Variants in ADGRG1 observed in about 807,000 individuals in gnomAD.
ADGRG1 encodes the protein adhesion G protein-coupled receptor G1, also known as 7-transmembrane protein with no EGF-like N-terminal domains-1.
A neutral mutation model predicts 73.5 loss-of-function variants in ADGRG1; 53 were observed. The observed-to-expected ratio is 0.72, with a 90% CI of 0.58 to 0.91. The LOEUF (loss-of-function observed/expected upper bound fraction) is 0.91. Ranked by LOEUF, ADGRG1 falls within the 40% of genes least tolerant of loss-of-function variation. ADGRG1 has a pLI of 0.00. For missense variants in ADGRG1, 795 were observed against 871.8 expected, an observed-to-expected ratio of 0.91 and a Z score of 1.11; for synonymous variants, 394 against 374.4, an observed-to-expected ratio of 1.05 and a Z score of -0.60.
upstream of ADGRG1, chr16:57,623,729 C>T (rs563032391): frequency 2.1e-5 from 19 of 920,016 alleles, no homozygotes; most frequent in East Asian, 1.2e-4. Flanking sequence ...ACATGTGCAA[C>T]GCAATCCCTG....
chr16:57,631,910 T>A, intron 1 of ADGRG1: 6 of 960,288 alleles, frequency 6.2e-6, no homozygotes, highest in Non-Finnish European at 7.4e-6. Flanking sequence ...GGCCAAGGGT[T>A]GGGGAGTAGG....
chr16:57,653,835 C>A (rs746271539), intron 4 of ADGRG1, 151 bp from the exon 5 acceptor site: 1 of 1,562,846 alleles, frequency 6.4e-7, no homozygotes, highest in Non-Finnish European at 8.6e-7. Flanking sequence ...GCTCTCCACT[C>A]TCTCTTGCCC....
Position 57,655,466 on chromosome 16 carries a change from G to A in ADGRG1, c.836G>A (p.Gly279Asp), listed in dbSNP as rs1282180886. The A allele has an allele frequency of 7.4e-6, 12 of 1,613,686 alleles. No homozygotes were observed. The highest frequency in any genetic ancestry group is 1.0e-5 in the Non-Finnish European group (12 of 1,179,998). ...CGAACACTCTTCCAGAGGACGAAAGGCCGGAGCGGGGAGGCTGAGAAGAGA... is the reference window on the plus strand; with the variant it reads ...CGAACACTCTTCCAGAGGACGAAAGACCGGAGCGGGGAGGCTGAGAAGAGA... ...LPRTLFQRTK[G>D]RSGEAEKRLL... is the part of the protein sequence containing the mutation. Residue 279 changes from glycine to aspartate, a missense_variant, in exon 6 of 14, where the codon GGC becomes GAC. Physicochemically the swap from Gly to Asp is moderately conservative, Grantham distance 94 (BLOSUM62 -1). Coordinates refer to ENST00000562631, the MANE Select transcript of ADGRG1 (RefSeq NM_201525.4).
intron 1 of ADGRG1, chr16:57,633,591 C>T (rs2038571459): frequency 2.4e-6 from 2 of 817,484 alleles, no homozygotes; most frequent in Admixed American, 6.2e-5. Context: ...GCTCTACTGG[C>T]TGTGTGGCCT....
intron 1 of ADGRG1, chr16:57,642,996 G>A (rs1182939367): frequency 6.6e-6 from 1 of 152,212 alleles, no homozygotes; most frequent in East Asian, 1.9e-4. Context: ...GATGCCAGCG[G>A]CTAATTGAGC....
At chr16:57,633,513 C>T (rs529210527) in intron 1 of ADGRG1, 1 of 985,372 alleles carries the variant, frequency 1.0e-6, no homozygotes, top group South Asian at 4.7e-5. Context: ...CCAGGCTGCC[C>T]CCTAGGAGAG....
intron 1 of ADGRG1, chr16:57,644,985 TGC>T: frequency 1.3e-6 from 1 of 784,016 alleles, no homozygotes; most frequent in Middle Eastern, 6.6e-4. Flanking sequence ...CACACCCCCA[TGC>T]ACACACACAT....
chr16:57,620,492 C>G (rs2034572093), upstream of ADGRG1, among the ~76,000 whole-genome samples: 1 of 152,202 alleles, frequency 6.6e-6, no homozygotes, highest in African/African-American at 2.4e-5. Flanking sequence ...GGCGGCAGGA[C>G]CTGAAGTCTC....
chr16:57,638,070 T>C (rs1385633219), intron 1 of ADGRG1, among the ~76,000 whole-genome samples: 1 of 152,154 alleles, frequency 6.6e-6, no homozygotes, highest in Non-Finnish European at 1.5e-5. Context: ...TTTGACTCAG[T>C]GGGTATGAAA....
At chr16:57,645,016 G>T (rs1197286251) in intron 1 of ADGRG1, 2 of 934,698 alleles carry the variant, frequency 2.1e-6, no homozygotes, top group African/African-American at 3.7e-5. Flanking sequence ...ATGCATGGGC[G>T]CACACACTCA....
In ADGRG1 at chr16:57,650,238, C is replaced by T. The variant is rs778080775; in HGVS notation, c.-35-15C>T. On this transcript the variant is annotated splice_polypyrimidine_tract_variant and intron_variant, in intron 1 of 13. Transcript: ENST00000562631. ...ACAGTCCACACTCCCAGCTAACACT[C>T]CTGGTCTCTTCCAGGTGGTGACTTC... 3 of 1,593,614 alleles carry T rather than the reference C, an allele frequency of 1.9e-6. No homozygotes were observed. Among genetic ancestry groups the T allele is most frequent in the Non-Finnish European group, 1.7e-6 (2 of 1,161,406 alleles).
At chr16:57,635,857 G>A in intron 1 of ADGRG1, 1 of 985,090 alleles carries the variant, frequency 1.0e-6, no homozygotes, top group Non-Finnish European at 1.2e-6. Context: ...CTGTGTCCCT[G>A]CTATAAAATG....
chr16:57,630,359 A>C, intron 1 of ADGRG1: 1 of 985,390 alleles, frequency 1.0e-6, no homozygotes, highest in Non-Finnish European at 1.2e-6. Context: ...TCTTAGGGCC[A>C]GACCTGACCC....
chr16:57,655,380 C>T lies in ADGRG1; in HGVS notation c.769-19C>T. The T allele has an allele frequency of 6.2e-7, 1 of 1,611,772 alleles. No homozygotes were observed. The highest frequency in any genetic ancestry group is 1.1e-5 in the South Asian group (1 of 91,044). On this transcript the variant is annotated intron_variant, in intron 5 of 13. Transcript: ENST00000562631. ...TCTAGGGGTCCGCATTTGGCTGAGC[C>T]CTAAAGGGACCTCTGCAGGAGGAGC...
At chr16:57,659,279 G>A (rs2148523973) in intron 10 of ADGRG1, 134 bp from the exon 11 acceptor site, 1 of 1,548,754 alleles carries the variant, frequency 6.5e-7, no homozygotes, top group South Asian at 1.2e-5. Flanking sequence ...CACAGGAATA[G>A]GATAGGGGCC....
intron 1 of ADGRG1, chr16:57,643,794 A>G: frequency 1.0e-6 from 1 of 983,052 alleles, no homozygotes; most frequent in Non-Finnish European, 1.2e-6. Context: ...TCCGTCACTC[A>G]CTTGGGGAGT....
intron 9 of ADGRG1, among the ~76,000 whole-genome samples, chr16:57,657,084 A>G (rs1347822605): frequency 6.6e-6 from 1 of 152,194 alleles, no homozygotes; most frequent in African/African-American, 2.4e-5. Context: ...ACCTATTCCC[A>G]TGTTAAATGT....
rs1334762285 is a variant in ADGRG1, at chr16:57,632,183, C to T, written c.-36+3381C>T. 27 of 985,356 alleles carry T rather than the reference C, an allele frequency of 2.7e-5. No homozygotes were observed. In the South Asian group the frequency reaches 8.0e-4, roughly 29 times the overall value. 61.0% of individuals were successfully genotyped at this position (985,356 alleles called of 1,614,324 possible). On this transcript the variant is annotated intron_variant, in intron 1 of 13. Coordinates refer to ENST00000562631, the MANE Select transcript of ADGRG1 (RefSeq NM_201525.4). The stretch of plus-strand genomic sequence containing the variant: ...GGGGATCCAGAATTTGGGCTCTTGT[C>T]CCTTGGTGGAGAGGAGGCTCCTCAG...
intron 13 of ADGRG1, chr16:57,662,886 A>G: frequency 1.0e-6 from 1 of 982,218 alleles, no homozygotes; most frequent in Non-Finnish European, 1.2e-6. Flanking sequence ...ATGGGGTTCA[A>G]GGCCAGCCTC....
Sources: gnomAD v4.1 joint callset for allele counts (sites outside exome capture counted in the v4.1 genomes callset) on GRCh38, gnomAD v4.1.1 for gene constraint, MANE v1.5 for transcripts, NCBI Gene and HGNC (gene_info 2026-07-23, HGNC 2026-07-21) for gene names.